CUBN: variants seen among roughly 807,000 people sequenced by gnomAD.
CUBN encodes the protein 460 kDa receptor.
CUBN carries 282 observed loss-of-function variants against 405.3 expected under a neutral mutation model. That is an observed-to-expected ratio of 0.70 (90% CI 0.63 to 0.77). The LOEUF (loss-of-function observed/expected upper bound fraction) is 0.77. Ranked by LOEUF, CUBN falls within the 30% of genes least tolerant of loss-of-function variation. The pLI is 0.00. For missense variants in CUBN, 4,514 were observed against 4,475.2 expected, an observed-to-expected ratio of 1.01 and a Z score of -0.25; for synonymous variants, 1,684 against 1,617.0, an observed-to-expected ratio of 1.04 and a Z score of -0.99.
At chr10:17,100,448 A>G (rs901494356) in intron 13 of CUBN, among the ~76,000 whole-genome samples, 9 of 152,186 alleles carry the variant, frequency 5.9e-5, no homozygotes, top group African/African-American at 2.2e-4. Context: ...ATATCAAAAT[A>G]TATCAAAAAA....
chr10:16,949,478 T>G (rs987440369), intron 34 of CUBN, among the ~76,000 whole-genome samples: 25 of 136,532 alleles, frequency 1.8e-4, no homozygotes, highest in Admixed American at 5.4e-4. Flanking sequence ...GTGTGTGTGT[T>G]TGTTTGTTTT....
chr10:16,941,275 T>C (rs945315282), intron 36 of CUBN, among the ~76,000 whole-genome samples: 7 of 146,724 alleles, frequency 4.8e-5, no homozygotes, highest in African/African-American at 1.1e-4. Context: ...TTTTAACAAA[T>C]GGTGATGCAA....
At chr10:17,026,291 T>G (rs1046010043) in intron 27 of CUBN, among the ~76,000 whole-genome samples, 1 of 152,130 alleles carries the variant, frequency 6.6e-6, no homozygotes, top group African/African-American at 2.4e-5. Flanking sequence ...TACTTTAAAT[T>G]TGAAGGGCTT....
chr10:16,826,231 C>T (rs1319424917), intron 66 of CUBN, among the ~76,000 whole-genome samples: 2 of 152,078 alleles, frequency 1.3e-5, no homozygotes, highest in Non-Finnish European at 2.9e-5. Flanking sequence ...TAAGGAGCTA[C>T]CTCTGTATGT....
intron 14 of CUBN, among the ~76,000 whole-genome samples, chr10:17,088,979 G>C: frequency 6.6e-6 from 1 of 152,118 alleles, no homozygotes; most frequent in East Asian, 1.9e-4. Context: ...CTAGTGACTG[G>C]AAGAACCTGC....
At position 16,949,913 on chromosome 10, in the gene CUBN, C is replaced by T. The variant is rs1252449359; in HGVS notation, c.5080+88G>A. The T allele has an allele frequency of 5.2e-6, 5 of 964,784 alleles. No individual in the cohort carries two copies. The East Asian group carries it at 1.3e-4, about 25-fold the overall frequency. 59.8% of individuals were successfully genotyped at this position (964,784 alleles called of 1,614,324 possible). A position where few individuals can be genotyped will look rare whatever the true frequency, so the allele number is the denominator to read the frequency against. On this transcript the variant is annotated intron_variant, in intron 34 of 66. Transcript: ENST00000377833. ...CTCTTTCTATTTATTGGAAACATTGCAACCTAGAATGGCAGCCTATAAATA... is the reference window on the plus strand; with the variant it reads ...CTCTTTCTATTTATTGGAAACATTGTAACCTAGAATGGCAGCCTATAAATA...
chr10:16,872,547 T>C (rs923307327), intron 58 of CUBN, among the ~76,000 whole-genome samples: 2 of 152,112 alleles, frequency 1.3e-5, no homozygotes, highest in Non-Finnish European at 2.9e-5. Flanking sequence ...GATTAGTGTT[T>C]TATAAGAGGC....
intron 35 of CUBN, 110 bp downstream of exon 35, chr10:16,948,368 G>C: frequency 2.1e-6 from 3 of 1,429,600 alleles, no homozygotes; most frequent in Non-Finnish European, 2.9e-6. Context: ...GCCCAGAGGT[G>C]ATCTCAGGAA....
At chr10:16,869,923 G>T in intron 58 of CUBN, 70 bp from the exon 59 acceptor site, 1 of 1,172,916 alleles carries the variant, frequency 8.5e-7, no homozygotes, top group Non-Finnish European at 1.3e-6. Context: ...TTTAGCTCTT[G>T]CAAAAAAAAT....
chr10:16,942,863 AGGAAGGGAAG>A (rs112417434), intron 36 of CUBN, among the ~76,000 whole-genome samples: 1 of 129,740 alleles, frequency 7.7e-6, no homozygotes, highest in Non-Finnish European at 1.6e-5. Flanking sequence ...GGGAAGGGAA[AGGAAGGGAAG>A]GGAAGGGAGG....
intron 22 of CUBN, among the ~76,000 whole-genome samples, chr10:17,058,053 C>T (rs539032868): frequency 2.6e-5 from 4 of 151,898 alleles, no homozygotes; most frequent in Admixed American, 1.3e-4. Context: ...ACCTGGGAGG[C>T]GGAGGTAGCA....
intron 17 of CUBN, among the ~76,000 whole-genome samples, chr10:17,076,040 T>G (rs1835847320): frequency 6.6e-6 from 1 of 152,174 alleles, no homozygotes; most frequent in Admixed American, 6.6e-5. Flanking sequence ...TTCTATTTGC[T>G]TCTTCGAAGA....
At chr10:16,940,434 C>T (rs1005353411) in intron 36 of CUBN, among the ~76,000 whole-genome samples, 197 bp from the exon 37 acceptor site, 11 of 152,222 alleles carry the variant, frequency 7.2e-5, no homozygotes, top group South Asian at 2.1e-4. Flanking sequence ...ACAAAGACGA[C>T]GAATACACTT....
chr10:17,023,023 G>A (rs765733022), intron 27 of CUBN, among the ~76,000 whole-genome samples: 7 of 152,188 alleles, frequency 4.6e-5, no homozygotes, highest in African/African-American at 9.6e-5. Context: ...ACAAGGTCAT[G>A]AACAGCATAG....
At chr10:17,089,342 C>A (rs1836199005) in intron 14 of CUBN, among the ~76,000 whole-genome samples, 1 of 151,810 alleles carries the variant, frequency 6.6e-6, no homozygotes, top group Non-Finnish European at 1.5e-5. Flanking sequence ...CATAAAATAG[C>A]ATAAGCAAAG....
intron 27 of CUBN, chr10:17,023,459 G>A (rs1474508748): frequency 3.3e-6 from 1 of 303,172 alleles, no homozygotes; most frequent in Non-Finnish European, 7.2e-6. Context: ...TCACACAGAT[G>A]GGTAACGTCA....
chr10:17,097,876 T>A (rs183215716), intron 14 of CUBN, among the ~76,000 whole-genome samples: 114 of 152,318 alleles, frequency 7.5e-4, no homozygotes, highest in African/African-American at 2.7e-3. Context: ...GGTTTTTTTT[T>A]AATTCTTTAT....
intron 27 of CUBN, 102 bp from the exon 28 acceptor site, chr10:17,020,085 T>C (rs1834450247): frequency 1.5e-6 from 2 of 1,344,230 alleles, no homozygotes; most frequent in African/African-American, 1.4e-5. Context: ...GGTTCAAAAG[T>C]TAGAGGTAAA....
intron 30 of CUBN, among the ~76,000 whole-genome samples, chr10:16,982,906 A>G (rs944857373): frequency 6.6e-6 from 1 of 152,252 alleles, no homozygotes; most frequent in African/African-American, 2.4e-5. Context: ...AATAATTAAA[A>G]GGAAACGCAA....
Sources: allele counts gnomAD v4.1 joint callset (sites outside exome capture counted in the v4.1 genomes callset), GRCh38; gene constraint gnomAD v4.1.1; transcripts MANE v1.5; gene names NCBI Gene and HGNC (gene_info 2026-07-23, HGNC 2026-07-21).